Variants in OSBPL1A observed in about 807,000 individuals in gnomAD.
OSBPL1A encodes oxysterol binding protein like 1A, also known as oxysterol-binding protein-related protein 1.
OSBPL1A carries 80 observed loss-of-function variants against 137.1 expected under a neutral mutation model. The ratio of observed to expected loss-of-function variants is 0.58; its 90% CI spans 0.49 to 0.70. The LOEUF (loss-of-function observed/expected upper bound fraction) is 0.70, where lower values mean the gene tolerates loss of function less well. Ranked by LOEUF, OSBPL1A falls within the 30% of genes least tolerant of loss-of-function variation. The pLI is 0.00. For synonymous variants in OSBPL1A, 365 were observed against 389.7 expected (o/e 0.94, Z 0.75); for missense variants, 970 against 1,129.4 (o/e 0.86, Z 2.02).
rs1233264916 is a variant in OSBPL1A, at chr18:24,250,174, G to GTTTTTTTTTT, written c.1282-10793_1282-10792insAAAAAAAAAA. On this transcript the variant is annotated intron_variant, in intron 15 of 27. Coordinates refer to ENST00000319481, the MANE Select transcript of OSBPL1A (RefSeq NM_080597.4). Reference sequence around the variant, plus strand: ...TGTGTTTTTGTTTGTTTGTTTGTTTGTTTGTTTGTTTGTTTTTTTTGACAT... The same window carrying GTTTTTTTTTT: ...TGTGTTTTTGTTTGTTTGTTTGTTTGTTTTTTTTTTTTTGTTTGTTTGTTTTTTTTGACAT... 2.3e-4 allele frequency among the ~76,000 whole-genome samples: 17 copies of GTTTTTTTTTT among 75,344 alleles called. 3 individuals carry two copies. The highest frequency in any genetic ancestry group is 4.9e-4 in the South Asian group (1 of 2,046). The allele number at this position is 75,344 out of a possible 152,430, so 49.4% of individuals were successfully genotyped here. A position where few individuals can be genotyped will look rare whatever the true frequency, so the allele number is the denominator to read the frequency against.
chr18:24,189,504 G>C (rs376475229), intron 18 of OSBPL1A, among the ~76,000 whole-genome samples: 1 of 152,152 alleles, frequency 6.6e-6, no homozygotes, highest in African/African-American at 2.4e-5. Context: ...GGACAGAGCC[G>C]TGCCTCCTGC....
chr18:24,204,522 A>C (rs970637657), intron 17 of OSBPL1A, among the ~76,000 whole-genome samples: 1 of 148,806 alleles, frequency 6.7e-6, no homozygotes, highest in South Asian at 2.2e-4. Context: ...TGTGTTTTCT[A>C]TCTTGGTGAA....
intron 15 of OSBPL1A, among the ~76,000 whole-genome samples, chr18:24,257,390 C>T (rs1290401573): frequency 6.6e-6 from 1 of 152,106 alleles, no homozygotes; most frequent in African/African-American, 2.4e-5. Context: ...AAGACAGTCT[C>T]TTCAATAAGT....
intron 15 of OSBPL1A, among the ~76,000 whole-genome samples, chr18:24,278,336 A>AAGC (rs1233848259): frequency 7.9e-5 from 12 of 152,324 alleles, no homozygotes; most frequent in Admixed American, 5.9e-4. Flanking sequence ...ACACACATAA[A>AAGC]AGCTCCAAGA....
intron 7 of OSBPL1A, 69 bp from the exon 8 acceptor site, chr18:24,318,878 G>A: frequency 1.6e-6 from 2 of 1,248,308 alleles, no homozygotes; most frequent in Non-Finnish European, 2.3e-6. Context: ...TGCTGTAACT[G>A]CAGCATCTAA....
intron 7 of OSBPL1A, among the ~76,000 whole-genome samples, chr18:24,332,523 C>CT (rs2091100136): frequency 6.8e-6 from 1 of 146,362 alleles, no homozygotes; most frequent in South Asian, 2.2e-4. Flanking sequence ...ATGCTGTTGG[C>CT]TATGAGTTCA....
At chr18:24,177,862 A>T in intron 21 of OSBPL1A, 151 bp downstream of exon 21, 1 of 658,838 alleles carries the variant, frequency 1.5e-6, no homozygotes. Flanking sequence ...CATGTTTCTC[A>T]AATTCTTTTA....
intron 15 of OSBPL1A, among the ~76,000 whole-genome samples, chr18:24,245,630 G>A (rs1198825526): frequency 6.6e-6 from 1 of 152,184 alleles, no homozygotes; most frequent in Non-Finnish European, 1.5e-5. Flanking sequence ...ACCATGGCCA[G>A]GCTGAATTAC....
intron 16 of OSBPL1A, among the ~76,000 whole-genome samples, chr18:24,228,516 T>C (rs1051979136): frequency 6.6e-6 from 1 of 152,114 alleles, no homozygotes; most frequent in African/African-American, 2.4e-5. Context: ...TTGCAAGGCC[T>C]GTGAAGTGAA....
Position 24,239,380 on chromosome 18 carries a change from C to A in OSBPL1A, c.1284G>T (p.Val428=). ...CLNLFTKQEG[V]RNFKLEQEQE... is the part of the protein sequence containing the mutation. Reference sequence around the variant, plus strand: ...GCTCTTGTTCCAATTTAAAATTCCTCACCTAGAAGAAAACAGATATACAGA... The same window carrying A: ...GCTCTTGTTCCAATTTAAAATTCCTAACCTAGAAGAAAACAGATATACAGA... The change falls in exon 16 of 28, where the codon GTG becomes GTT. Residue 428 remains valine (V), a splice_region_variant and synonymous_variant. Coordinates refer to ENST00000319481, the MANE Select transcript of OSBPL1A (RefSeq NM_080597.4). 1 of 1,613,146 alleles carries A rather than the reference C, an allele frequency of 6.2e-7. No individual in the cohort carries two copies.
intron 14 of OSBPL1A, among the ~76,000 whole-genome samples, chr18:24,282,194 A>T (rs2089976135): frequency 6.6e-6 from 1 of 152,152 alleles, no homozygotes; most frequent in Non-Finnish European, 1.5e-5. Context: ...AAAAAAGTTT[A>T]CAGGAATTAA....
intron 14 of OSBPL1A, among the ~76,000 whole-genome samples, chr18:24,296,515 T>C (rs528338575): frequency 0.012 from 1,841 of 152,250 alleles, 43 homozygotes; most frequent in African/African-American, 0.042. Flanking sequence ...AACTGACTGC[T>C]CTGGCTAGGA....
In OSBPL1A at chr18:24,280,942, A is replaced by C; in HGVS notation, c.1181T>G (p.Leu394Arg). Residue 394 changes from leucine to arginine, a missense_variant, in exon 15 of 28, where the codon CTT (leucine) becomes CGT (arginine). By Grantham distance (102) the Leu-to-Arg change is moderately radical. Around this residue, in one of 2 missense-constraint regions of OSBPL1A, gnomAD observed 647 missense variants for 672.6 expected, o/e 0.96. Transcript: ENST00000319481. ...TTCAACTTTCTGAAGAAATGATGGAAGCATTTCTATAAAGAAAAAAATAAA... is the reference window on the plus strand; with the variant it reads ...TTCAACTTTCTGAAGAAATGATGGACGCATTTCTATAAAGAAAAAAATAAA... ...IKECDMAKEM[L>R]PSFLQKVEVV... is the part of the protein sequence containing the mutation. 1 of 1,594,314 alleles carries C rather than the reference A, an allele frequency of 6.3e-7. No homozygotes were observed. The highest frequency in any genetic ancestry group is 8.5e-7 in the Non-Finnish European group (1 of 1,173,360).
At chr18:24,367,007 T>C in intron 3 of OSBPL1A, 41 bp from the exon 4 acceptor site, 1 of 1,522,696 alleles carries the variant, frequency 6.6e-7, no homozygotes, top group Non-Finnish European at 8.9e-7. Flanking sequence ...AAATATACAA[T>C]GGTGAAAATC....
At chr18:24,371,905 T>TA in intron 2 of OSBPL1A, among the ~76,000 whole-genome samples, 1 of 152,366 alleles carries the variant, frequency 6.6e-6, no homozygotes, top group South Asian at 2.1e-4. Flanking sequence ...GTGGGTCCTC[T>TA]CATTTCTCTG....
chr18:24,377,482 C>T lies in OSBPL1A; in HGVS notation c.52G>A (p.Ala18Thr), dbSNP rs764189708. The T allele has an allele frequency of 3.1e-6, 5 of 1,612,262 alleles. No homozygotes were observed. Among genetic ancestry groups the T allele is most frequent in the Non-Finnish European group, 4.2e-6 (5 of 1,179,682 alleles). The change falls in exon 2 of 28, where the codon GCT (alanine) becomes ACT (threonine). Residue 18 changes from alanine (A) to threonine (T), a missense_variant. Ala to Thr is a moderately conservative substitution (Grantham distance 58). Coordinates refer to ENST00000319481, the MANE Select transcript of OSBPL1A (RefSeq NM_080597.4). ...TCTAATAGTTGTCTTACTTCTTCAG[C>T]ATTGCCATTTCTGGCGTGATGGAGA... Reference protein sequence around the residue: ...QLLHHARNGNAEEVRQLLETM... With the variant: ...QLLHHARNGNTEEVRQLLETM...
At chr18:24,163,779 C>A (rs529609877) in intron 27 of OSBPL1A, among the ~76,000 whole-genome samples, 24 of 151,508 alleles carry the variant, frequency 1.6e-4, no homozygotes, top group Non-Finnish European at 3.1e-4. Context: ...GTTGCCCAGG[C>A]TGGAGTGCGA....
intron 16 of OSBPL1A, among the ~76,000 whole-genome samples, chr18:24,233,869 C>G (rs1231855333): frequency 6.6e-6 from 1 of 152,136 alleles, no homozygotes; most frequent in East Asian, 1.9e-4. Flanking sequence ...CCAGGCTGGT[C>G]TCAAAACTCC....
intron 2 of OSBPL1A, among the ~76,000 whole-genome samples, chr18:24,374,170 A>T (rs1430669151): frequency 6.6e-6 from 1 of 152,186 alleles, no homozygotes; most frequent in Non-Finnish European, 1.5e-5. Context: ...TTTTCCTCAG[A>T]TCATTCTCCA....
Sources: gnomAD v4.1 joint callset for allele counts (sites outside exome capture counted in the v4.1 genomes callset) on GRCh38, gnomAD v4.1.1 for gene constraint, gnomAD v4.1.1 regional missense constraint, MANE v1.5 for transcripts, NCBI Gene and HGNC (gene_info 2026-07-23, HGNC 2026-07-21) for gene names.